Variants in IQCH observed in about 807,000 individuals in gnomAD.
The protein encoded by IQCH is IQ motif containing H.
A neutral mutation model predicts 117.0 loss-of-function variants in IQCH; 98 were observed. That is an observed-to-expected ratio of 0.84 (90% CI 0.71 to 0.99). IQCH has a LOEUF of 0.99. IQCH is among the 50% of genes least tolerant of loss of function. The probability of loss-of-function intolerance (pLI) is 0.00; values close to 1 mark genes in which losing one functional copy is unlikely to be tolerated. For synonymous variants in IQCH, 412 were observed against 448.2 expected (o/e 0.92, Z 1.02); for missense variants, 1,102 against 1,243.8 (o/e 0.89, Z 1.72).
intron 7 of IQCH, among the ~76,000 whole-genome samples, chr15:67,358,158 CTTT>C (rs71455547): frequency 1.3e-3 from 67 of 53,108 alleles, no homozygotes; most frequent in Admixed American, 9.5e-3. Context: ...CACGCCTGGC[CTTT>C]TTTTTTTTTT....
In IQCH at chr15:67,477,278, A is replaced by G. The variant is rs191814204; in HGVS notation, c.2799+1460A>G. Among the ~76,000 whole-genome samples, 25 of 151,632 alleles carry G rather than the reference A, an allele frequency of 1.6e-4. No individual in the cohort carries two copies. The East Asian group carries it at 4.8e-3, about 29-fold the overall frequency. Reference sequence around the variant, plus strand: ...GTTGGCCAGGATGGTCTTGATCTCGACCTCATGATCCGCCCGCCTCGGCTT... The same window carrying G: ...GTTGGCCAGGATGGTCTTGATCTCGGCCTCATGATCCGCCCGCCTCGGCTT... On this transcript the variant is annotated intron_variant, in intron 18 of 20. Transcript: ENST00000335894.
At position 67,430,832 on chromosome 15, in the gene IQCH, A is replaced by C. The variant is rs1349163897; in HGVS notation, c.2505+9255A>C. 6.6e-6 allele frequency among the ~76,000 whole-genome samples: 1 copy of C among 152,228 alleles called. No homozygotes were observed. Among genetic ancestry groups the C allele is most frequent in the African/African-American group, 2.4e-5 (1 of 41,482 alleles). ...AAGTGCCTGCCCTTAGGGAGTTCAC[A>C]TTCTAGTTGGGAAGATAGGCTTGAA... On this transcript the variant is annotated intron_variant, in intron 16 of 20. Coordinates refer to ENST00000335894, the MANE Select transcript of IQCH (RefSeq NM_001031715.3). The surrounding 1 kb of genome is among the most constrained non-coding windows in gnomAD (Gnocchi z 5.1).
At chr15:67,323,163 A>G (rs969442778) in intron 4 of IQCH, among the ~76,000 whole-genome samples, 5 of 151,684 alleles carry the variant, frequency 3.3e-5, no homozygotes, top group African/African-American at 4.8e-5. Context: ...CACTATCACA[A>G]CTATCTTTCT....
At chr15:67,419,829 G>T (rs1455725316) in intron 15 of IQCH, among the ~76,000 whole-genome samples, 1 of 152,210 alleles carries the variant, frequency 6.6e-6, no homozygotes, top group Non-Finnish European at 1.5e-5. Flanking sequence ...AAGTAACAGT[G>T]AAAAGGTTGT....
chr15:67,284,965 G>A (rs530822959), intron 4 of IQCH, among the ~76,000 whole-genome samples: 51 of 152,174 alleles, frequency 3.4e-4, no homozygotes, highest in African/African-American at 1.1e-3. Context: ...TCCTTTGGGC[G>A]TATACCCAGT....
chr15:67,373,470 C>G, intron 10 of IQCH, 37 bp downstream of exon 10: 6 of 1,297,388 alleles, frequency 4.6e-6, no homozygotes, highest in Non-Finnish European at 6.7e-6. Context: ...TCAGCAACCT[C>G]TATTACCCAC....
chr15:67,289,114 G>A (rs1057263422), intron 4 of IQCH, among the ~76,000 whole-genome samples: 1 of 152,106 alleles, frequency 6.6e-6, no homozygotes, highest in Non-Finnish European at 1.5e-5. Flanking sequence ...TGAGGTTGAA[G>A]AAGAGATAAA....
chr15:67,444,209 T>G (rs1196978924), intron 16 of IQCH, among the ~76,000 whole-genome samples: 1 of 152,234 alleles, frequency 6.6e-6, no homozygotes, highest in East Asian at 1.9e-4. Context: ...ATATATTCCA[T>G]CCTTGTGCTC....
Position 67,372,435 on chromosome 15 carries a change from G to C in IQCH, c.1078G>C (p.Gly360Arg), listed in dbSNP as rs780173948. The change falls in exon 9 of 21, where the codon GGG becomes CGG. Residue 360 changes from glycine (G) to arginine (R), a missense_variant. Transcript: ENST00000335894. Reference protein sequence around the residue: ...AHVQMLINLPGQRYKGQDGNS... With the variant: ...AHVQMLINLPRQRYKGQDGNS... Reference sequence around the variant, plus strand: ...TGTCCAAATGCTGATAAATCTTCCAGGGCAAAGGTACAAGGGCCAAGATGG... The same window carrying C: ...TGTCCAAATGCTGATAAATCTTCCACGGCAAAGGTACAAGGGCCAAGATGG... The C allele has an allele frequency of 1.9e-6, 3 of 1,613,998 alleles. No homozygotes were observed. Among genetic ancestry groups the C allele is most frequent in the Admixed American group, 1.7e-5 (1 of 60,006 alleles).
chr15:67,452,679 T>C (rs1003187673), intron 16 of IQCH, among the ~76,000 whole-genome samples: 2 of 152,250 alleles, frequency 1.3e-5, no homozygotes, highest in African/African-American at 4.8e-5. Context: ...ATTTCAACTT[T>C]GGTGAATCTG....
At chr15:67,410,561 A>G (rs773173497) in intron 14 of IQCH, among the ~76,000 whole-genome samples, 49 of 152,140 alleles carry the variant, frequency 3.2e-4, no homozygotes, top group Non-Finnish European at 6.0e-4. Flanking sequence ...CTAATATTTG[A>G]TTGGTCTAAT....
intron 1 of IQCH, among the ~76,000 whole-genome samples, chr15:67,258,504 C>T (rs1237918903): frequency 7.0e-6 from 1 of 142,368 alleles, no homozygotes; most frequent in Non-Finnish European, 1.5e-5. Flanking sequence ...GCACTCCAGC[C>T]TGGGGGACAA....
In IQCH at chr15:67,422,846, C is replaced by G. The variant is rs1353349266; in HGVS notation, c.2505+1269C>G. On this transcript the variant is annotated intron_variant, in intron 16 of 20. Transcript: ENST00000335894. The surrounding 1 kb of genome is among the most constrained non-coding windows in gnomAD (Gnocchi z 4.7). ...TTTTAAAATGTCCGGTTGCTCCTCT[C>G]TTAGTGCTGCATGTCCAGACCTCTG... Among the ~76,000 whole-genome samples the G allele has an allele frequency of 6.6e-6, 1 of 152,210 alleles. No homozygotes were observed. Among genetic ancestry groups the G allele is most frequent in the East Asian group, 1.9e-4 (1 of 5,196 alleles).
Position 67,393,324 on chromosome 15 carries a change from C to T in IQCH, c.1633-1967C>T, listed in dbSNP as rs556724187. Among the ~76,000 whole-genome samples the T allele has an allele frequency of 6.6e-6, 1 of 152,276 alleles. No homozygotes were observed. Among genetic ancestry groups the T allele is most frequent in the East Asian group, 1.9e-4 (1 of 5,172 alleles). On this transcript the variant is annotated intron_variant, in intron 12 of 20. Coordinates refer to ENST00000335894, the MANE Select transcript of IQCH (RefSeq NM_001031715.3). The surrounding 1 kb of genome is among the most constrained non-coding windows in gnomAD (Gnocchi z 5.5). ...CATACTCAGGAGTTATACTCTCCGA[C>T]AATTTGCAAACTGGTGCATCTGATA...
At position 67,364,287 on chromosome 15, in the gene IQCH, T is replaced by C. The variant is rs1296329261; in HGVS notation, c.753+4402T>C. ...AGATGGTATCTCATTGTGGTTTTGA[T>C]TTGCATGTAGAATCTTTTAAAAAGA... On this transcript the variant is annotated intron_variant, in intron 8 of 20. Transcript: ENST00000335894. The surrounding 1 kb of genome is among the most constrained non-coding windows in gnomAD (Gnocchi z 4.1). Among the ~76,000 whole-genome samples the C allele has an allele frequency of 6.6e-6, 1 of 152,184 alleles. No homozygotes were observed. Among genetic ancestry groups the C allele is most frequent in the Non-Finnish European group, 1.5e-5 (1 of 68,040 alleles).
In IQCH at chr15:67,443,002, T is replaced by G. The variant is rs887008542; in HGVS notation, c.2505+21425T>G. ...ATGAGACTGGAGACTGTTATTCTTT[T>G]TTTTTTTTGAGATGGAGTCTTGCTG... On this transcript the variant is annotated intron_variant, in intron 16 of 20. Coordinates refer to ENST00000335894, the MANE Select transcript of IQCH (RefSeq NM_001031715.3). The surrounding 1 kb of genome is among the most constrained non-coding windows in gnomAD (Gnocchi z 5.0). Among the ~76,000 whole-genome samples, 1 of 151,894 alleles carries G rather than the reference T, an allele frequency of 6.6e-6. No individual in the cohort carries two copies. Among genetic ancestry groups the G allele is most frequent in the Non-Finnish European group, 1.5e-5 (1 of 67,972 alleles).
At chr15:67,288,190 T>C (rs1316250423) in intron 4 of IQCH, among the ~76,000 whole-genome samples, 1 of 152,136 alleles carries the variant, frequency 6.6e-6, no homozygotes, top group East Asian at 1.9e-4. Flanking sequence ...GAATGATCCA[T>C]GTGCTGATCT....
intron 4 of IQCH, among the ~76,000 whole-genome samples, chr15:67,303,052 A>ATT: frequency 2.0e-5 from 3 of 152,212 alleles, no homozygotes; most frequent in Non-Finnish European, 2.9e-5. Flanking sequence ...AAATAGATGG[A>ATT]TCATGAACAA....
intron 3 of IQCH, among the ~76,000 whole-genome samples, chr15:67,266,810 A>G (rs1965694826): frequency 6.6e-6 from 1 of 152,152 alleles, no homozygotes; most frequent in Non-Finnish European, 1.5e-5. Context: ...GGATTGGATC[A>G]TCATCATTTT....
Sources: gnomAD v4.1 joint callset for allele counts (sites outside exome capture counted in the v4.1 genomes callset) on GRCh38, gnomAD v4.1.1 for gene constraint, Gnocchi (gnomAD v3.1) non-coding constraint, MANE v1.5 for transcripts, NCBI Gene and HGNC (gene_info 2026-07-23, HGNC 2026-07-21) for gene names.